SLC22A23: variants seen among roughly 807,000 people sequenced by gnomAD.
SLC22A23 encodes the protein solute carrier family 22 member 23, also known as ion transporter protein.
Under a neutral mutation model 61.0 loss-of-function variants are expected in SLC22A23, and 26 were observed. The ratio of observed to expected loss-of-function variants is 0.43; its 90% CI spans 0.31 to 0.59. SLC22A23 has a LOEUF of 0.59. Ranked by LOEUF, SLC22A23 falls within the 20% of genes least tolerant of loss-of-function variation. The pLI is 0.11. For synonymous variants in SLC22A23, 430 were observed against 413.9 expected (o/e 1.04, Z -0.47); for missense variants, 796 against 934.7 (o/e 0.85, Z 1.94).
intron 1 of SLC22A23, among the ~76,000 whole-genome samples, chr6:3,431,357 G>C (rs1401479795): frequency 1.3e-5 from 2 of 152,236 alleles, no homozygotes; most frequent in Non-Finnish European, 2.9e-5. Context: ...TCCTGATCAA[G>C]GATCACAGAA....
Position 3,408,743 on chromosome 6 carries a change from C to G in SLC22A23, c.913+1445G>C, listed in dbSNP as rs181815024. 2.8e-3 allele frequency among the ~76,000 whole-genome samples: 431 copies of G among 152,356 alleles called. 2 individuals carry two copies. The highest frequency in any genetic ancestry group is 9.7e-3 in the African/African-American group (404 of 41,576). On this transcript the variant is annotated intron_variant, in intron 3 of 9. Coordinates refer to ENST00000406686, the MANE Select transcript of SLC22A23 (RefSeq NM_015482.2). ...GGTGGTGAGGCTGAGGTTATATTCT[C>G]TGCAGAGCTCCTGAAGCACAGCTAT...
intron 1 of SLC22A23, among the ~76,000 whole-genome samples, chr6:3,442,703 G>A (rs1163098828): frequency 6.6e-6 from 1 of 152,046 alleles, no homozygotes; most frequent in Non-Finnish European, 1.5e-5. Context: ...GCTGTTTTAA[G>A]CCAGCATTAT....
At chr6:3,363,604 G>A (rs1765620584) in intron 3 of SLC22A23, among the ~76,000 whole-genome samples, 1 of 152,264 alleles carries the variant, frequency 6.6e-6, no homozygotes, top group South Asian at 2.1e-4. Flanking sequence ...GCCCAAACTA[G>A]GATGTGGCAC....
rs1366815009 is a variant in SLC22A23 at position 3,330,048 on chromosome 6, A to G, written c.914-6046T>C. ...CTCTGCGAAGGCCGACTGGGCCACTAGGACACCGGGGCTTGGGGATCCCAC... is the reference window on the plus strand; with the variant it reads ...CTCTGCGAAGGCCGACTGGGCCACTGGGACACCGGGGCTTGGGGATCCCAC... On this transcript the variant is annotated intron_variant, in intron 3 of 9. Transcript: ENST00000406686. The surrounding 1 kb of genome is among the most constrained non-coding windows in gnomAD (Gnocchi z 4.7). Among the ~76,000 whole-genome samples the G allele has an allele frequency of 6.6e-6, 1 of 152,164 alleles. No individual in the cohort carries two copies. The highest frequency in any genetic ancestry group is 1.5e-5 in the Non-Finnish European group (1 of 68,020).
intron 3 of SLC22A23, among the ~76,000 whole-genome samples, chr6:3,331,057 G>C (rs751892451): frequency 3.3e-5 from 5 of 152,192 alleles, no homozygotes; most frequent in Non-Finnish European, 5.9e-5. Flanking sequence ...CATTTAATCT[G>C]CACAATGACT....
At chr6:3,413,513 C>A (rs755685664) in intron 2 of SLC22A23, among the ~76,000 whole-genome samples, 1 of 152,222 alleles carries the variant, frequency 6.6e-6, no homozygotes, top group African/African-American at 2.4e-5. Context: ...AAGAAGTGAG[C>A]GCATCCCTGG....
In SLC22A23 at chr6:3,387,690, G is replaced by A. The variant is rs1767398147; in HGVS notation, c.913+22498C>T. Among the ~76,000 whole-genome samples, 1 of 152,204 alleles carries A rather than the reference G, an allele frequency of 6.6e-6. No homozygotes were observed. Among genetic ancestry groups the A allele is most frequent in the African/African-American group, 2.4e-5 (1 of 41,448 alleles). Reference sequence around the variant, plus strand: ...TCTGTACTGCCTTTGCCATTCCTCTGTAAGTCTAAAATTATTTTAACTGTA... The same window carrying A: ...TCTGTACTGCCTTTGCCATTCCTCTATAAGTCTAAAATTATTTTAACTGTA... On this transcript the variant is annotated intron_variant, in intron 3 of 9. Transcript: ENST00000406686. The surrounding 1 kb of genome is among the most constrained non-coding windows in gnomAD (Gnocchi z 5.0).
intron 3 of SLC22A23, among the ~76,000 whole-genome samples, chr6:3,358,688 A>G (rs1335669421): frequency 6.6e-6 from 1 of 152,142 alleles, no homozygotes. Context: ...TGTGCTGTAC[A>G]CTGAAAAAAC....
intron 1 of SLC22A23, among the ~76,000 whole-genome samples, chr6:3,436,552 CTGAAA>C (rs1346309856): frequency 2.0e-5 from 3 of 152,190 alleles, no homozygotes; most frequent in Non-Finnish European, 2.9e-5. Flanking sequence ...CTCCTCCTAA[CTGAAA>C]TAAGTGTCTT....
intron 5 of SLC22A23, among the ~76,000 whole-genome samples, chr6:3,296,861 AG>A (rs1279853534): frequency 6.6e-6 from 1 of 152,142 alleles, no homozygotes; most frequent in Non-Finnish European, 1.5e-5. Flanking sequence ...CTGAACTGGG[AG>A]TCTAACGAGA....
intron 4 of SLC22A23, among the ~76,000 whole-genome samples, chr6:3,298,908 C>T (rs1008249160): frequency 2.0e-5 from 3 of 146,432 alleles, no homozygotes; most frequent in African/African-American, 7.9e-5. Context: ...GGAAGCGGAG[C>T]TTGCAGTGAG....
At chr6:3,341,411 T>C (rs1303590032) in intron 3 of SLC22A23, among the ~76,000 whole-genome samples, 1 of 152,198 alleles carries the variant, frequency 6.6e-6, no homozygotes, top group Non-Finnish European at 1.5e-5. Context: ...CTTTTTAGAA[T>C]GGCAGATGTC....
At chr6:3,285,611 AG>A (rs35672736) in intron 7 of SLC22A23, among the ~76,000 whole-genome samples, 100,389 of 152,144 alleles carry the variant, frequency 0.66, 38,754 homozygotes, top group Non-Finnish European at 0.86. Context: ...CTGTGTGAGC[AG>A]GAGACTCCCT....
rs528818305 is a variant in SLC22A23 at position 3,283,433 on chromosome 6, G to C, written c.1703+419C>G. The C allele has an allele frequency of 3.0e-5, 8 of 264,382 alleles. 1 individual carries two copies. In the Admixed American group the frequency reaches 3.4e-4, roughly 11 times the overall value. 16.4% of individuals were successfully genotyped at this position (264,382 alleles called of 1,614,324 possible). On this transcript the variant is annotated intron_variant, in intron 9 of 9. Coordinates refer to ENST00000406686, the MANE Select transcript of SLC22A23 (RefSeq NM_015482.2). ...GGCAATAAGAGTGAAACTCCATCTC[G>C]GGGAGGGCCGGGGGGTAGGCTCTTT...
At chr6:3,341,451 G>A (rs962982552) in intron 3 of SLC22A23, among the ~76,000 whole-genome samples, 11 of 152,140 alleles carry the variant, frequency 7.2e-5, no homozygotes, top group Non-Finnish European at 1.6e-4. Context: ...TGAGGTGGAT[G>A]GGTTTTGTTC....
At chr6:3,351,582 G>T (rs1764769847) in intron 3 of SLC22A23, among the ~76,000 whole-genome samples, 1 of 152,140 alleles carries the variant, frequency 6.6e-6, no homozygotes, top group African/African-American at 2.4e-5. Context: ...AGCCCTCTCT[G>T]TGGCTTCCCG....
At position 3,411,241 on chromosome 6, in the gene SLC22A23, G is replaced by A. The variant is rs139813942; in HGVS notation, c.759-899C>T. ...GCAACAATAACTCTCCATCAAACAC[G>A]ATTGGCTTGGTCTAAAGGATAACTC... is the stretch of plus-strand genomic sequence containing the variant. On this transcript the variant is annotated intron_variant, in intron 2 of 9. Coordinates refer to ENST00000406686, the MANE Select transcript of SLC22A23 (RefSeq NM_015482.2). Among the ~76,000 whole-genome samples, 212 of 152,240 alleles carry A rather than the reference G, an allele frequency of 1.4e-3. 1 individual carries two copies. Among genetic ancestry groups the A allele is most frequent in the African/African-American group, 4.7e-3 (195 of 41,540 alleles).
At chr6:3,298,733 G>A (rs1277527539) in intron 4 of SLC22A23, among the ~76,000 whole-genome samples, 1 of 152,116 alleles carries the variant, frequency 6.6e-6, no homozygotes, top group African/African-American at 2.4e-5. Context: ...AGCACTTTGG[G>A]AGGCCGAGGC....
chr6:3,349,172 C>G (rs1479035632), intron 3 of SLC22A23, among the ~76,000 whole-genome samples: 1 of 152,212 alleles, frequency 6.6e-6, no homozygotes, highest in South Asian at 2.1e-4. Flanking sequence ...GCACTTCTCC[C>G]TGCTCTTCGT....
Sources: gnomAD v4.1 joint callset for allele counts (sites outside exome capture counted in the v4.1 genomes callset) on GRCh38, gnomAD v4.1.1 for gene constraint, Gnocchi (gnomAD v3.1) non-coding constraint, MANE v1.5 for transcripts, NCBI Gene and HGNC (gene_info 2026-07-23, HGNC 2026-07-21) for gene names.